Variants in IL1RAPL2 observed in about 807,000 individuals in gnomAD.
IL1RAPL2 encodes interleukin 1 receptor accessory protein like 2.
IL1RAPL2 carries 3 observed loss-of-function variants against 44.1 expected under a neutral mutation model. The ratio of observed to expected loss-of-function variants is 0.07; its 90% CI spans 0.03 to 0.18. IL1RAPL2 has a LOEUF of 0.18. IL1RAPL2 is among the 10% of genes least tolerant of loss of function. IL1RAPL2 has a pLI of 1.00. For synonymous variants in IL1RAPL2, 181 were observed against 178.8 expected, an observed-to-expected ratio of 1.01 and a Z score of -0.10; for missense variants, 391 against 496.4, an observed-to-expected ratio of 0.79 and a Z score of 2.02.
intron 2 of IL1RAPL2, among the ~76,000 whole-genome samples, chrX:104,949,997 C>T (rs1236774972): frequency 7.2e-5 from 8 of 111,082 alleles, no homozygotes; most frequent in Non-Finnish European, 9.4e-5. Context: ...TCTCGTTGAT[C>T]TGTCTAATGT....
intron 4 of IL1RAPL2, among the ~76,000 whole-genome samples, chrX:105,248,338 C>T (rs2034240159): frequency 9.0e-6 from 1 of 110,975 alleles, no homozygotes. Context: ...GATTGCATAC[C>T]TAGAAAACCC....
intron 2 of IL1RAPL2, among the ~76,000 whole-genome samples, chrX:104,862,013 G>A (rs192832366): frequency 9.0e-6 from 1 of 110,643 alleles, no homozygotes; most frequent in African/African-American, 3.3e-5. Context: ...CAGACAAACG[G>A]AAGGGGGAGG....
intron 2 of IL1RAPL2, among the ~76,000 whole-genome samples, chrX:104,955,236 G>T (rs1000753356): frequency 4.5e-5 from 5 of 111,018 alleles, no homozygotes; most frequent in Non-Finnish European, 7.5e-5. Context: ...CTTAGAGATG[G>T]GAAAGGCAGA....
chrX:104,591,665 A>T, intron 1 of IL1RAPL2, among the ~76,000 whole-genome samples: 1 of 107,345 alleles, frequency 9.3e-6, no homozygotes. Flanking sequence ...CTTCCTATAC[A>T]ATGATGTTAG....
Position 105,148,073 on chromosome X carries a change from C to T in IL1RAPL2, c.83-47402C>T, listed in dbSNP as rs373304737. Among the ~76,000 whole-genome samples, 17 of 111,289 alleles carry T rather than the reference C, an allele frequency of 1.5e-4. No individual in the cohort carries two copies. The East Asian group carries it at 4.6e-3, about 30-fold the overall frequency. On this transcript the variant is annotated intron_variant, in intron 2 of 10. Coordinates refer to ENST00000372582, the MANE Select transcript of IL1RAPL2 (RefSeq NM_017416.2). ...CAGAGCATTATTGGTACACAAGCCC[C>T]ACGTCAGGAGGTAATTGTTTTATTT...
intron 5 of IL1RAPL2, among the ~76,000 whole-genome samples, chrX:105,418,482 G>A (rs1169144230): frequency 1.8e-5 from 2 of 111,105 alleles, no homozygotes; most frequent in African/African-American, 6.6e-5. Context: ...CAGCACAGAT[G>A]TATGTATAAA....
intron 6 of IL1RAPL2, among the ~76,000 whole-genome samples, chrX:105,492,621 CAGT>C (rs972757336): frequency 1.8e-5 from 2 of 108,858 alleles, no homozygotes; most frequent in African/African-American, 6.7e-5. Flanking sequence ...GTAGTAGTGG[CAGT>C]GGTGGTGGTG....
chrX:105,111,813 G>T (rs985569109), intron 2 of IL1RAPL2, among the ~76,000 whole-genome samples: 9 of 111,858 alleles, frequency 8.0e-5, no homozygotes, highest in African/African-American at 2.9e-4. Flanking sequence ...GAGAATGAAA[G>T]AAGGAAATTA....
At chrX:105,141,647 C>A (rs1361074600) in intron 2 of IL1RAPL2, among the ~76,000 whole-genome samples, 1 of 111,888 alleles carries the variant, frequency 8.9e-6, no homozygotes, top group African/African-American at 3.2e-5. Flanking sequence ...TGGTTGGCTA[C>A]AAGCGTAACA....
chrX:105,069,800 A>G (rs1002917588), intron 2 of IL1RAPL2, among the ~76,000 whole-genome samples: 1 of 111,841 alleles, frequency 8.9e-6, no homozygotes, highest in African/African-American at 3.3e-5. Flanking sequence ...TCTCATTGGG[A>G]TTGATTTTCT....
At chrX:105,405,632 A>G in intron 5 of IL1RAPL2, 4 of 1,122,271 alleles carry the variant, frequency 3.6e-6, no homozygotes. Flanking sequence ...CTCAGGACCC[A>G]GCGGGGGCAG....
At chrX:104,735,710 G>A (rs1932000876) in intron 2 of IL1RAPL2, among the ~76,000 whole-genome samples, 1 of 111,298 alleles carries the variant, frequency 9.0e-6, no homozygotes. Flanking sequence ...GTGGGTGGGA[G>A]TATGTTGTTC....
chrX:105,040,978 C>T (rs2031724011), intron 2 of IL1RAPL2, among the ~76,000 whole-genome samples: 1 of 100,122 alleles, frequency 1.0e-5, no homozygotes, highest in Admixed American at 1.1e-4. Flanking sequence ...GTTAGGGTGT[C>T]AATTTTGGAT....
At chrX:104,792,748 C>T (rs1051622389) in intron 2 of IL1RAPL2, among the ~76,000 whole-genome samples, 3 of 110,933 alleles carry the variant, frequency 2.7e-5, no homozygotes, top group Non-Finnish European at 3.8e-5. Context: ...GGCCTGGTCA[C>T]AGTAATCAGA....
intron 2 of IL1RAPL2, among the ~76,000 whole-genome samples, chrX:105,034,884 C>A (rs2031594030): frequency 9.0e-6 from 1 of 111,595 alleles, no homozygotes; most frequent in African/African-American, 3.3e-5. Context: ...CTGTGGTGGG[C>A]TCCACCCAGT....
At chrX:105,125,713 C>T (rs763472121) in intron 2 of IL1RAPL2, among the ~76,000 whole-genome samples, 12 of 110,395 alleles carry the variant, frequency 1.1e-4, no homozygotes, top group African/African-American at 3.6e-4. Context: ...TTTTCTTCAA[C>T]GAACTCATAT....
chrX:105,068,041 G>A (rs376368788), intron 2 of IL1RAPL2, among the ~76,000 whole-genome samples: 3 of 112,130 alleles, frequency 2.7e-5, no homozygotes, highest in East Asian at 5.6e-4. Context: ...GATGAGAAAG[G>A]AGCAATAAGA....
chrX:104,817,016 A>G (rs1387106993), intron 2 of IL1RAPL2, among the ~76,000 whole-genome samples: 1 of 112,900 alleles, frequency 8.9e-6, no homozygotes, highest in East Asian at 2.8e-4. Context: ...AGACCAAAAG[A>G]TACAGGGGGA....
chrX:104,664,934 C>A, intron 2 of IL1RAPL2, among the ~76,000 whole-genome samples: 1 of 111,126 alleles, frequency 9.0e-6, no homozygotes, highest in East Asian at 2.8e-4. Context: ...CCACTACAAG[C>A]AACAAACTTA....
Sources: gnomAD v4.1 joint callset for allele counts (sites outside exome capture counted in the v4.1 genomes callset) on GRCh38, gnomAD v4.1.1 for gene constraint, MANE v1.5 for transcripts, NCBI Gene and HGNC (gene_info 2026-07-23, HGNC 2026-07-21) for gene names.